Variants in TRAPPC8 observed in about 807,000 individuals in gnomAD.
The protein encoded by TRAPPC8 is trafficking protein particle complex subunit 8.
Under a neutral mutation model 174.3 loss-of-function variants are expected in TRAPPC8, and 54 were observed. The observed-to-expected ratio is 0.31, with a 90% CI of 0.25 to 0.39. TRAPPC8 has a LOEUF of 0.39. Among genes scored for constraint, TRAPPC8 ranks in the 10% least tolerant of loss-of-function variants. TRAPPC8 has a pLI of 1.00. For missense variants in TRAPPC8, 1,531 were observed against 1,699.1 expected (o/e 0.90, Z 1.74); for synonymous variants, 630 against 579.9 (o/e 1.09, Z -1.24).
intron 25 of TRAPPC8, among the ~76,000 whole-genome samples, chr18:31,847,918 T>C (rs1190123329): frequency 1.3e-5 from 2 of 152,140 alleles, no homozygotes; most frequent in Non-Finnish European, 2.9e-5. Context: ...TTGTATTATG[T>C]CCCTTTTTCA....
At chr18:31,876,097 C>A (rs2145234214) in intron 12 of TRAPPC8, among the ~76,000 whole-genome samples, 1 of 152,260 alleles carries the variant, frequency 6.6e-6, no homozygotes, top group Middle Eastern at 3.4e-3. Context: ...CTGACTTGAT[C>A]TTTATAAATT....
intron 26 of TRAPPC8, 81 bp downstream of exon 26, chr18:31,846,633 AAC>A (rs1354703931): frequency 1.7e-5 from 20 of 1,166,034 alleles, no homozygotes; most frequent in Non-Finnish European, 2.1e-5. Flanking sequence ...CCCCTTCAAA[AAC>A]ACAAAAGCCA....
Position 31,849,406 on chromosome 18 carries a change from C to A in TRAPPC8, c.3735+160G>T, listed in dbSNP as rs2033587060. On this transcript the variant is annotated intron_variant, in intron 25 of 28. Coordinates refer to ENST00000283351, the MANE Select transcript of TRAPPC8 (RefSeq NM_014939.5). ...GAATGTTATCTAATTTGAATGAATTCTTTTTTTAGGCCAAAAAAAAATATG... is the reference window on the plus strand; with the variant it reads ...GAATGTTATCTAATTTGAATGAATTATTTTTTTAGGCCAAAAAAAAATATG... Among the ~76,000 whole-genome samples, 3 of 151,576 alleles carry A rather than the reference C, an allele frequency of 2.0e-5. No individual in the cohort carries two copies. In the South Asian group the frequency reaches 6.3e-4, roughly 32 times the overall value.
At chr18:31,901,101 G>A in intron 9 of TRAPPC8, 76 bp from the exon 10 acceptor site, 2 of 1,328,762 alleles carry the variant, frequency 1.5e-6, no homozygotes, top group East Asian at 2.6e-5. Flanking sequence ...CTAAAAGTTG[G>A]AATGAAATTT....
intron 1 of TRAPPC8, among the ~76,000 whole-genome samples, chr18:31,940,205 G>A (rs1045429107): frequency 1.3e-5 from 2 of 152,156 alleles, no homozygotes; most frequent in African/African-American, 2.4e-5. Flanking sequence ...GGCCGGGCAC[G>A]GTGGCTCACG....
At chr18:31,935,036 A>G (rs1276678533) in intron 1 of TRAPPC8, among the ~76,000 whole-genome samples, 1 of 151,938 alleles carries the variant, frequency 6.6e-6, no homozygotes, top group African/African-American at 2.4e-5. Context: ...TACCCAGCAT[A>G]TAAAACTGTA....
At chr18:31,844,218 T>G (rs1420285129) in intron 26 of TRAPPC8, among the ~76,000 whole-genome samples, 3 of 152,178 alleles carry the variant, frequency 2.0e-5, no homozygotes, top group Non-Finnish European at 4.4e-5. Context: ...TGGATAAATT[T>G]CACAAACACA....
rs760135978 is a variant in TRAPPC8, at chr18:31,864,668, G to A, written c.2704C>T (p.Arg902Cys). The A allele has an allele frequency of 1.4e-5, 22 of 1,612,574 alleles. No individual in the cohort carries two copies. Among genetic ancestry groups the A allele is most frequent in the Non-Finnish European group, 1.7e-5 (20 of 1,179,374 alleles). Residue 902 changes from arginine (R) to cysteine (C), a missense_variant, in exon 19 of 29, where the codon CGT (arginine) becomes TGT (cysteine). Coordinates refer to ENST00000283351, the MANE Select transcript of TRAPPC8 (RefSeq NM_014939.5). ...KTSVKYGPDRRLDPIITEEMP... is the reference protein window; with the variant it reads ...KTSVKYGPDRCLDPIITEEMP... ...TCTTCTGTGATTATGGGATCTAAAC[G>A]TCGATCAGGGCCATATTTAACAGAT...
At chr18:31,879,129 A>G (rs2035299393) in intron 12 of TRAPPC8, among the ~76,000 whole-genome samples, 2 of 152,222 alleles carry the variant, frequency 1.3e-5, no homozygotes, top group African/African-American at 4.8e-5. Flanking sequence ...AAATGGACCT[A>G]ATAGACGTCT....
intron 27 of TRAPPC8, among the ~76,000 whole-genome samples, chr18:31,835,074 A>C (rs1190365273): frequency 6.6e-6 from 1 of 152,192 alleles, no homozygotes; most frequent in Non-Finnish European, 1.5e-5. Context: ...TTTTCATCAT[A>C]AACTACCTTA....
chr18:31,933,091 G>A (rs570579154), intron 1 of TRAPPC8, among the ~76,000 whole-genome samples: 2 of 151,086 alleles, frequency 1.3e-5, no homozygotes, highest in African/African-American at 4.9e-5. Flanking sequence ...CACGAGGTCA[G>A]GAGACCGAGA....
chr18:31,936,287 C>T (rs1454048495), intron 1 of TRAPPC8, among the ~76,000 whole-genome samples: 1 of 151,464 alleles, frequency 6.6e-6, no homozygotes, highest in African/African-American at 2.4e-5. Context: ...AGCAAAACCC[C>T]ATCTCTACAA....
chr18:31,936,256 C>G (rs2038092457), intron 1 of TRAPPC8, among the ~76,000 whole-genome samples: 1 of 151,118 alleles, frequency 6.6e-6, no homozygotes, highest in African/African-American at 2.4e-5. Context: ...TCCAAGAGTT[C>G]AAGAACAGCC....
intron 28 of TRAPPC8, 92 bp from the exon 29 acceptor site, chr18:31,831,081 G>A (rs571180602): frequency 6.2e-5 from 65 of 1,052,694 alleles, no homozygotes; most frequent in Admixed American, 2.2e-4. Flanking sequence ...AGCTGGGCGC[G>A]GTGGCTCACG....
chr18:31,833,732 G>A (rs1030228744), intron 27 of TRAPPC8, among the ~76,000 whole-genome samples: 4 of 152,108 alleles, frequency 2.6e-5, no homozygotes, highest in South Asian at 2.1e-4. Flanking sequence ...GGCTGGGCAC[G>A]GTGGCTTGCG....
chr18:31,909,122 T>C lies in TRAPPC8; in HGVS notation c.866-112A>G, dbSNP rs148815894. The C allele has an allele frequency of 8.6e-5, 90 of 1,049,870 alleles. No homozygotes were observed. The East Asian group carries it at 2.4e-3, about 28-fold the overall frequency. 65.0% of individuals were successfully genotyped at this position (1,049,870 alleles called of 1,614,324 possible). ...AGCAGAATGTTAAAATCCTTTATCT[T>C]TCAGTATAGGTAAATGTCTAAGATA... On this transcript the variant is annotated intron_variant, in intron 6 of 28. Transcript: ENST00000283351.
Position 31,830,422 on chromosome 18 carries a change from TCTC to T in TRAPPC8, c.*330_*332del, listed in dbSNP as rs2032289642. On this transcript the variant is annotated 3_prime_UTR_variant, in exon 29 of 29. Transcript: ENST00000283351. ...CAAGGCCTTTCCTTTCTCAGAATCA[TCTC>T]CTAATATTCGTATACCATTGACAAG... 9.7e-6 allele frequency: 2 copies of T among 206,042 alleles called. No homozygotes were observed. Among genetic ancestry groups the T allele is most frequent in the African/African-American group, 4.6e-5 (2 of 43,208 alleles). 12.8% of individuals were successfully genotyped at this position (206,042 alleles called of 1,614,324 possible).
intron 18 of TRAPPC8, 65 bp downstream of exon 18, chr18:31,866,784 C>T: frequency 6.5e-7 from 1 of 1,538,358 alleles, no homozygotes. Context: ...TCATTTTTGT[C>T]CATTTTATTC....
chr18:31,836,142 A>G (rs1598578929), intron 27 of TRAPPC8, among the ~76,000 whole-genome samples: 1 of 152,212 alleles, frequency 6.6e-6, no homozygotes, highest in African/African-American at 2.4e-5. Flanking sequence ...TGATCTGCAG[A>G]CATTTTAAAA....
Sources: allele counts gnomAD v4.1 joint callset (sites outside exome capture counted in the v4.1 genomes callset), GRCh38; gene constraint gnomAD v4.1.1; transcripts MANE v1.5; gene names NCBI Gene and HGNC (gene_info 2026-07-23, HGNC 2026-07-21).